SMYD3: variants seen among roughly 807,000 people sequenced by gnomAD.
The protein encoded by SMYD3 is SET and MYND domain containing 3.
In SMYD3, 36 loss-of-function variants were observed where a neutral mutation model predicts 57.7. The ratio of observed to expected loss-of-function variants is 0.62; its 90% CI spans 0.48 to 0.82. The LOEUF (loss-of-function observed/expected upper bound fraction) is 0.82. SMYD3 is among the 40% of genes least tolerant of loss of function. The pLI is 0.00. For synonymous variants in SMYD3, 211 were observed against 195.0 expected (o/e 1.08, Z -0.68); for missense variants, 515 against 538.8 (o/e 0.96, Z 0.44).
chr1:245,950,367 G>C (rs1343316759), intron 5 of SMYD3, among the ~76,000 whole-genome samples: 1 of 152,124 alleles, frequency 6.6e-6, no homozygotes, highest in African/African-American at 2.4e-5. Flanking sequence ...TGGTTGCAGT[G>C]GTCCCTGTAC....
chr1:245,926,412 T>A (rs1004129650), intron 7 of SMYD3, among the ~76,000 whole-genome samples: 5 of 152,218 alleles, frequency 3.3e-5, no homozygotes, highest in Admixed American at 6.5e-5. Flanking sequence ...GAAGGACTTG[T>A]GGGGAGAACC....
intron 1 of SMYD3, among the ~76,000 whole-genome samples, chr1:246,431,540 G>C (rs1012455727): frequency 6.6e-6 from 1 of 152,166 alleles, no homozygotes; most frequent in Admixed American, 6.5e-5. Flanking sequence ...GACCAGCCTG[G>C]CCAACATGGT....
intron 5 of SMYD3, among the ~76,000 whole-genome samples, chr1:246,102,154 A>G (rs1476002303): frequency 1.3e-5 from 2 of 152,064 alleles, no homozygotes; most frequent in Admixed American, 6.5e-5. Flanking sequence ...TGCTTCCACT[A>G]TGTACGTAGC....
intron 5 of SMYD3, among the ~76,000 whole-genome samples, chr1:246,116,127 C>T (rs1036146045): frequency 1.3e-5 from 2 of 149,490 alleles, no homozygotes; most frequent in African/African-American, 5.0e-5. Flanking sequence ...GCGACAAGGG[C>T]GAAACTCTGT....
intron 7 of SMYD3, among the ~76,000 whole-genome samples, chr1:245,926,765 A>G (rs1432582564): frequency 1.3e-5 from 2 of 152,226 alleles, no homozygotes. Flanking sequence ...GTCATCATCG[A>G]CAACAGCAGC....
chr1:246,345,082 A>G (rs1455973264), intron 2 of SMYD3, among the ~76,000 whole-genome samples: 1 of 152,148 alleles, frequency 6.6e-6, no homozygotes, highest in African/African-American at 2.4e-5. Context: ...AATTTTGATG[A>G]AAATCAATTT....
intron 5 of SMYD3, among the ~76,000 whole-genome samples, chr1:245,959,138 A>AACAG (rs1486860469): frequency 1.3e-5 from 2 of 152,090 alleles, no homozygotes; most frequent in East Asian, 3.9e-4. Flanking sequence ...CAAACAAACA[A>AACAG]ACAAACAAAA....
intron 10 of SMYD3, among the ~76,000 whole-genome samples, chr1:245,848,269 A>AT (rs2050767230): frequency 8.5e-6 from 1 of 117,692 alleles, no homozygotes; most frequent in Non-Finnish European, 1.8e-5. Context: ...ATGCCGAGTT[A>AT]TTTTTTTCTG....
rs2045446386 is a variant in SMYD3, at chr1:245,752,809, A to G, written c.1186-3145T>C. 2.0e-5 allele frequency among the ~76,000 whole-genome samples: 3 copies of G among 152,198 alleles called. No individual in the cohort carries two copies. The South Asian group carries it at 6.2e-4, about 32-fold the overall frequency. ...CAGCCTGCTTCCTTGAGGAAAGACC[A>G]GAAGGATCATCTAGTCCAATACCCT... On this transcript the variant is annotated intron_variant, in intron 11 of 11. Transcript: ENST00000490107.
rs575523063 is a variant in SMYD3 at position 246,139,487 on chromosome 1, G to T, written c.531+187714C>A. On this transcript the variant is annotated intron_variant, in intron 5 of 11. Transcript: ENST00000490107. ...ATCAATTCCCTATTTTCCAGGAAAG[G>T]AATTTAGCAAACTCTGCACTCTTTT... Among the ~76,000 whole-genome samples, 19 of 152,276 alleles carry T rather than the reference G, an allele frequency of 1.2e-4. No individual in the cohort carries two copies. The East Asian group carries it at 3.7e-3, about 29-fold the overall frequency.
chr1:246,176,008 G>A (rs1487266960), intron 5 of SMYD3, among the ~76,000 whole-genome samples: 1 of 152,126 alleles, frequency 6.6e-6, no homozygotes, highest in Non-Finnish European at 1.5e-5. Context: ...GGTCCTTTTA[G>A]AAGAGATATT....
At chr1:246,469,941 C>T (rs1442363138) in intron 1 of SMYD3, among the ~76,000 whole-genome samples, 3 of 152,170 alleles carry the variant, frequency 2.0e-5, no homozygotes, top group African/African-American at 7.2e-5. Context: ...TTGTGTGCTT[C>T]CTGGTGTGAT....
At chr1:245,919,104 C>T (rs1000494376) in intron 7 of SMYD3, among the ~76,000 whole-genome samples, 1 of 152,200 alleles carries the variant, frequency 6.6e-6, no homozygotes, top group Non-Finnish European at 1.5e-5. Flanking sequence ...CTGGACTACG[C>T]AATGGCTTTC....
intron 5 of SMYD3, among the ~76,000 whole-genome samples, chr1:246,214,162 G>A (rs191980696): frequency 1.5e-4 from 23 of 152,314 alleles, no homozygotes; most frequent in Admixed American, 2.6e-4. Flanking sequence ...ACAATGGCAA[G>A]TTGTGGATGA....
At chr1:246,177,215 T>C (rs1400032585) in intron 5 of SMYD3, among the ~76,000 whole-genome samples, 1 of 152,160 alleles carries the variant, frequency 6.6e-6, no homozygotes, top group South Asian at 2.1e-4. Context: ...CATGTAGGAG[T>C]ATGTTAGGGA....
intron 1 of SMYD3, among the ~76,000 whole-genome samples, chr1:246,420,655 T>C (rs544985958): frequency 6.6e-6 from 1 of 152,220 alleles, no homozygotes; most frequent in Non-Finnish European, 1.5e-5. Context: ...CCCAAAAATA[T>C]CTGATCTTTG....
chr1:246,091,443 T>A (rs1211773151), intron 5 of SMYD3, among the ~76,000 whole-genome samples: 1 of 148,156 alleles, frequency 6.7e-6, no homozygotes, highest in Non-Finnish European at 1.5e-5. Context: ...CCCCTCTCTA[T>A]AGAGAGAGAG....
At chr1:246,147,479 G>T (rs982461863) in intron 5 of SMYD3, among the ~76,000 whole-genome samples, 1 of 152,208 alleles carries the variant, frequency 6.6e-6, no homozygotes, top group East Asian at 1.9e-4. Flanking sequence ...AGCTGCTGCT[G>T]CAACAGGGAG....
intron 10 of SMYD3, among the ~76,000 whole-genome samples, chr1:245,798,405 CATACACACACATACACACCCCCA>C (rs2047665252): frequency 1.0e-3 from 12 of 11,814 alleles, no homozygotes; most frequent in Admixed American, 4.0e-3. Flanking sequence ...CACACACACA[CATACACACACATACACACCCCCA>C]CACACATACA....
Sources: gnomAD v4.1 joint callset for allele counts (sites outside exome capture counted in the v4.1 genomes callset) on GRCh38, gnomAD v4.1.1 for gene constraint, MANE v1.5 for transcripts, NCBI Gene and HGNC (gene_info 2026-07-23, HGNC 2026-07-21) for gene names.